The following DIDO1 variants were observed in gnomAD, a reference collection of about 807,000 sequenced individuals.
The protein encoded by DIDO1 is death inducer-obliterator 1, also known as death-inducer obliterator 1.
DIDO1 carries 16 observed loss-of-function variants against 99.4 expected under a neutral mutation model. That is an observed-to-expected ratio of 0.16 (90% confidence interval 0.11 to 0.24). DIDO1 has a LOEUF of 0.24. DIDO1 is among the 10% of genes least tolerant of loss of function. The pLI is 1.00. For synonymous variants in DIDO1, 1,366 were observed against 1,239.1 expected, an observed-to-expected ratio of 1.10 and a Z score of -2.15; for missense variants, 2,996 against 3,014.0, an observed-to-expected ratio of 0.99 and a Z score of 0.14.
chr20:62,918,022 C>A (rs1300519484), intron 1 of DIDO1, among the ~76,000 whole-genome samples: 1 of 152,216 alleles, frequency 6.6e-6, no homozygotes, highest in Non-Finnish European at 1.5e-5. Context: ...GTAATACATA[C>A]CTATGCTTCA....
chr20:62,928,304 A>C (rs1568893289), upstream of DIDO1, among the ~76,000 whole-genome samples: 2 of 152,176 alleles, frequency 1.3e-5, no homozygotes, highest in African/African-American at 4.8e-5. Flanking sequence ...AGGCAGGAAA[A>C]CATGAGGAAA....
At chr20:62,898,008 G>C (rs965729697) in intron 6 of DIDO1, among the ~76,000 whole-genome samples, 1 of 152,174 alleles carries the variant, frequency 6.6e-6, no homozygotes, top group African/African-American at 2.4e-5. Flanking sequence ...AGTCAACAAG[G>C]CACCTCCTGA....
Position 62,906,188 on chromosome 20 carries a change from A to T in DIDO1, c.1375-88T>A. The T allele has an allele frequency of 2.0e-6, 3 of 1,506,512 alleles. No homozygotes were observed. The South Asian group carries it at 3.9e-5, about 20-fold the overall frequency. 93.3% of individuals were successfully genotyped at this position (1,506,512 alleles called of 1,614,324 possible). ...CACTGAGAGATGAAGGCGGGGACCCAATGTCTTCCTGAGGCCATCTGAAGA... is the reference window on the plus strand; with the variant it reads ...CACTGAGAGATGAAGGCGGGGACCCTATGTCTTCCTGAGGCCATCTGAAGA... On this transcript the variant is annotated intron_variant, in intron 5 of 15. Transcript: ENST00000395343.
chr20:62,896,136 CTGGAA>C lies in DIDO1; in HGVS notation c.2214+92_2214+96del. Reference sequence around the variant, plus strand: ...AGGAGAAAGAAACGTCTTAGCTTTCCTGGAAAGGACACGAACATCTCAAAATATTG... The same window carrying C: ...AGGAGAAAGAAACGTCTTAGCTTTCCAGGACACGAACATCTCAAAATATTG... On this transcript the variant is annotated intron_variant, in intron 8 of 15. Coordinates refer to ENST00000395343, the MANE Select transcript of DIDO1 (RefSeq NM_001193369.2). This position sits in a 1 kb window ranked among gnomAD's most constrained non-coding sequence, Gnocchi z 4.4. 1 of 1,288,112 alleles carries C rather than the reference CTGGAA, an allele frequency of 7.8e-7. No individual in the cohort carries two copies. The highest frequency in any genetic ancestry group is 1.1e-6 in the Non-Finnish European group (1 of 935,486). The allele number at this position is 1,288,112 out of a possible 1,614,324, so 79.8% of individuals were successfully genotyped here. A position where few individuals can be genotyped will look rare whatever the true frequency, so the allele number is the denominator to read the frequency against.
At chr20:62,885,537 G>A (rs1276539565) in intron 15 of DIDO1, among the ~76,000 whole-genome samples, 2 of 152,182 alleles carry the variant, frequency 1.3e-5, no homozygotes, top group African/African-American at 4.8e-5. Context: ...CAACCGTCTG[G>A]AGATTGGCAT....
chr20:62,918,940 T>C (rs895875914), intron 1 of DIDO1, among the ~76,000 whole-genome samples: 1 of 152,188 alleles, frequency 6.6e-6, no homozygotes, highest in African/African-American at 2.4e-5. Flanking sequence ...TTTTCATTAA[T>C]GCGACAGTCA....
At position 62,893,981 on chromosome 20, in the gene DIDO1, A is replaced by G; in HGVS notation, c.2786T>C (p.Phe929Ser). The change falls in exon 12 of 16, where the codon TTC (phenylalanine) becomes TCC (serine). Residue 929 changes from phenylalanine to serine, a missense_variant. Physicochemically the swap from Phe to Ser is radical, Grantham distance 155. Coordinates refer to ENST00000395343, the MANE Select transcript of DIDO1 (RefSeq NM_001193369.2). ...ASHPNVDRTY[F>S]PGPPGDGHPE... ...ATGGCCATCTCCTGGAGGCCCAGGGAAATACGTTCTGTCCACATTTGGATG... is the reference window on the plus strand; with the variant it reads ...ATGGCCATCTCCTGGAGGCCCAGGGGAATACGTTCTGTCCACATTTGGATG... 1.2e-6 allele frequency: 2 copies of G among 1,613,834 alleles called. No individual in the cohort carries two copies. Among genetic ancestry groups the G allele is most frequent in the Non-Finnish European group, 1.7e-6 (2 of 1,179,792 alleles).
intron 3 of DIDO1, among the ~76,000 whole-genome samples, 156 bp from the exon 4 acceptor site, chr20:62,910,176 C>T (rs976269175): frequency 1.3e-5 from 2 of 152,194 alleles, no homozygotes; most frequent in Non-Finnish European, 1.5e-5. Flanking sequence ...TTGATTTTAA[C>T]ATTCAACCAA....
At chr20:62,917,850 A>G (rs13040088) in intron 1 of DIDO1, among the ~76,000 whole-genome samples, 29,446 of 152,138 alleles carry the variant, frequency 0.19, 2,955 homozygotes, top group East Asian at 0.28. Flanking sequence ...CTCACCAGAA[A>G]AGGCCTGTAC....
chr20:62,879,858 G>A lies in DIDO1; in HGVS notation c.6098C>T (p.Pro2033Leu). The change falls in exon 16 of 16, where the codon CCC becomes CTC. Residue 2033 changes from proline (P) to leucine (L), a missense_variant. This residue lies in a region of DIDO1 where 1,562 missense variants were observed against 1,412.6 expected (regional missense o/e 1.11). Coordinates refer to ENST00000395343, the MANE Select transcript of DIDO1 (RefSeq NM_001193369.2). The surrounding 1 kb of genome is among the most constrained non-coding windows in gnomAD (Gnocchi z 6.3). ...CCAGCGGTCCTTCCGGTGCTGCGGG[G>A]GGTGGCTGGGAAGCTCCAGCAGGGG... ...PRPLLELPSH[P>L]PQHRKDRWEE... is the part of the protein sequence containing the mutation. 1 of 1,596,980 alleles carries A rather than the reference G, an allele frequency of 6.3e-7. No homozygotes were observed. Among genetic ancestry groups the A allele is most frequent in the South Asian group, 1.1e-5 (1 of 89,648 alleles).
chr20:62,898,358 C>A (rs767817884), intron 6 of DIDO1, among the ~76,000 whole-genome samples: 1 of 152,230 alleles, frequency 6.6e-6, no homozygotes, highest in Non-Finnish European at 1.5e-5. Flanking sequence ...AGCCTCAGGG[C>A]TGCAAGTCTT....
At chr20:62,886,311 A>C (rs1335519503) in intron 15 of DIDO1, among the ~76,000 whole-genome samples, 1 of 152,234 alleles carries the variant, frequency 6.6e-6, no homozygotes, top group African/African-American at 2.4e-5. Context: ...GAAAGGCCAG[A>C]AGGCAAATGG....
intron 1 of DIDO1, among the ~76,000 whole-genome samples, chr20:62,936,809 A>G (rs1260932441): frequency 6.6e-6 from 1 of 152,240 alleles, no homozygotes; most frequent in Non-Finnish European, 1.5e-5. Context: ...GGTTGCAGTG[A>G]GCCGAGATGG....
Position 62,911,127 on chromosome 20 carries a change from T to C in DIDO1, c.486A>G (p.Lys162=), listed in dbSNP as rs778869116. ...TCCTGCGAAGGCGATTCTGAAGCTC[T>C]TTCAAGGTCAGGCCATCGCTGTCAC... The part of the protein sequence containing the change: ...SDSDSDGLTL[K]ELQNRLRRKR... The change falls in exon 3 of 16, where the codon AAA becomes AAG. Residue 162 remains lysine, a synonymous_variant. Transcript: ENST00000395343. This position sits in a 1 kb window ranked among gnomAD's most constrained non-coding sequence, Gnocchi z 7.0. 2 of 1,614,116 alleles carry C rather than the reference T, an allele frequency of 1.2e-6. No individual in the cohort carries two copies. Among genetic ancestry groups the C allele is most frequent in the Non-Finnish European group, 1.7e-6 (2 of 1,180,032 alleles).
intron 5 of DIDO1, 85 bp from the exon 6 acceptor site, chr20:62,906,185 C>G: frequency 6.6e-7 from 1 of 1,509,580 alleles, no homozygotes; most frequent in East Asian, 2.3e-5. Flanking sequence ...AAGGCGGGGA[C>G]CCAATGTCTT....
chr20:62,884,944 G>A (rs1050871160), intron 15 of DIDO1, among the ~76,000 whole-genome samples: 1 of 152,236 alleles, frequency 6.6e-6, no homozygotes, highest in East Asian at 1.9e-4. Flanking sequence ...CAAACCTGTC[G>A]AGTTCATGTT....
intron 1 of DIDO1, among the ~76,000 whole-genome samples, chr20:62,925,060 G>A (rs1376555153): frequency 6.6e-6 from 1 of 152,128 alleles, no homozygotes; most frequent in African/African-American, 2.4e-5. Flanking sequence ...TGACACTTCT[G>A]AGATGTCTAT....
At chr20:62,932,150 T>C (rs949704193) in intron 1 of DIDO1, among the ~76,000 whole-genome samples, 1 of 152,230 alleles carries the variant, frequency 6.6e-6, no homozygotes, top group African/African-American at 2.4e-5. Context: ...GCTGGGATTG[T>C]AGGTGTGAGC....
At chr20:62,930,580 GAATA>G (rs1368476917), upstream of DIDO1, among the ~76,000 whole-genome samples, 3 of 152,170 alleles carry the variant, frequency 2.0e-5, no homozygotes, top group Non-Finnish European at 4.4e-5. Context: ...TTAGACAAAA[GAATA>G]AATGTGAAAT....
Sources: gnomAD v4.1 joint callset for allele counts (sites outside exome capture counted in the v4.1 genomes callset) on GRCh38, gnomAD v4.1.1 for gene constraint, gnomAD v4.1.1 regional missense constraint, Gnocchi (gnomAD v3.1) non-coding constraint, MANE v1.5 for transcripts, NCBI Gene and HGNC (gene_info 2026-07-23, HGNC 2026-07-21) for gene names.